Variants in ZFYVE9 observed in about 807,000 individuals in gnomAD.
ZFYVE9 encodes the protein zinc finger FYVE-type containing 9.
In ZFYVE9, 43 loss-of-function variants were observed where a neutral mutation model predicts 126.7. The ratio of observed to expected loss-of-function variants is 0.34; its 90% CI spans 0.27 to 0.44. The LOEUF is 0.44. ZFYVE9 is among the 20% of genes least tolerant of loss of function. The pLI is 1.00. For missense variants in ZFYVE9, 1,476 were observed against 1,697.0 expected (o/e 0.87, Z 2.29); for synonymous variants, 521 against 597.4 (o/e 0.87, Z 1.87).
At chr1:52,307,744 T>G (rs1227180717) in intron 13 of ZFYVE9, among the ~76,000 whole-genome samples, 1 of 151,720 alleles carries the variant, frequency 6.6e-6, no homozygotes, top group Non-Finnish European at 1.5e-5. Flanking sequence ...TGAATTTTCT[T>G]TTTTCTTCTT....
chr1:52,250,937 T>A (rs937692466), intron 4 of ZFYVE9, among the ~76,000 whole-genome samples: 1 of 152,056 alleles, frequency 6.6e-6, no homozygotes, highest in Admixed American at 6.6e-5. Flanking sequence ...GTTCTGAATG[T>A]CTAGGCACAA....
intron 4 of ZFYVE9, among the ~76,000 whole-genome samples, chr1:52,248,365 C>G (rs1044455063): frequency 6.6e-6 from 1 of 152,206 alleles, no homozygotes; most frequent in Non-Finnish European, 1.5e-5. Flanking sequence ...ACTCAGCAAG[C>G]AGGCTTATCT....
intron 4 of ZFYVE9, among the ~76,000 whole-genome samples, chr1:52,252,470 C>T (rs1645458791): frequency 6.6e-6 from 1 of 152,188 alleles, no homozygotes; most frequent in South Asian, 2.1e-4. Flanking sequence ...AGTGTTTCTC[C>T]TGCCTCAGAC....
intron 10 of ZFYVE9, among the ~76,000 whole-genome samples, chr1:52,286,594 G>C (rs1645863376): frequency 6.6e-6 from 1 of 152,102 alleles, no homozygotes. Context: ...GTTTCTCCCT[G>C]TCTCCTATTC....
At chr1:52,197,827 G>C (rs1218436115) in intron 1 of ZFYVE9, among the ~76,000 whole-genome samples, 2 of 152,154 alleles carry the variant, frequency 1.3e-5, no homozygotes, top group Non-Finnish European at 2.9e-5. Context: ...AGGTGGAGAG[G>C]AGGATGCACA....
At chr1:52,248,003 GAGATATAT>G (rs1303321978) in intron 4 of ZFYVE9, among the ~76,000 whole-genome samples, 4 of 152,072 alleles carry the variant, frequency 2.6e-5, no homozygotes, top group Admixed American at 2.0e-4. Flanking sequence ...ATAGGATGTG[GAGATATAT>G]AGATATATAT....
At chr1:52,169,999 G>A (rs1006637165) in intron 1 of ZFYVE9, among the ~76,000 whole-genome samples, 1 of 152,076 alleles carries the variant, frequency 6.6e-6, no homozygotes, top group Non-Finnish European at 1.5e-5. Context: ...CCAAGAATTC[G>A]TTTTGACCTT....
chr1:52,239,417 A>G lies in ZFYVE9; in HGVS notation c.2000A>G (p.Asp667Gly), dbSNP rs758733784. ...AGACCATGCCTTGCATTAGCTCCAG[A>G]TAGCCCAGATAATGATCTCAGAGCT... is the stretch of plus-strand genomic sequence containing the variant. ...STRPCLALAP[D>G]SPDNDLRAGQ... The change falls in exon 4 of 19, where the codon GAT becomes GGT. Residue 667 changes from aspartate to glycine, a missense_variant. Around this residue, in one of 2 missense-constraint regions of ZFYVE9, gnomAD observed 807 missense variants for 794.6 expected, o/e 1.02. Transcript: ENST00000287727. 1.9e-6 allele frequency: 3 copies of G among 1,614,066 alleles called. No individual in the cohort carries two copies. The East Asian group carries it at 6.7e-5, about 36-fold the overall frequency.
intron 7 of ZFYVE9, among the ~76,000 whole-genome samples, chr1:52,273,939 A>G (rs1004266644): frequency 1.3e-5 from 2 of 152,118 alleles, no homozygotes; most frequent in African/African-American, 4.8e-5. Context: ...ATATTAACAT[A>G]TATAACAAAT....
At chr1:52,170,681 A>G (rs1408687419) in intron 1 of ZFYVE9, among the ~76,000 whole-genome samples, 1 of 151,994 alleles carries the variant, frequency 6.6e-6, no homozygotes, top group Non-Finnish European at 1.5e-5. Flanking sequence ...TTGTGTTTCC[A>G]TTATTATTTG....
intron 13 of ZFYVE9, among the ~76,000 whole-genome samples, chr1:52,326,135 G>A (rs1646289276): frequency 1.3e-5 from 2 of 152,164 alleles, no homozygotes; most frequent in African/African-American, 2.4e-5. Flanking sequence ...GAAATGTTAC[G>A]TACTTTGCAC....
intron 2 of ZFYVE9, among the ~76,000 whole-genome samples, chr1:52,225,662 T>G (rs1465235168): frequency 6.6e-6 from 1 of 152,104 alleles, no homozygotes; most frequent in Non-Finnish European, 1.5e-5. Flanking sequence ...AAGAAACAGT[T>G]AGGCTTAACA....
intron 14 of ZFYVE9, 36 bp downstream of exon 14, chr1:52,332,954 A>G (rs1446192258): frequency 1.2e-6 from 2 of 1,613,192 alleles, no homozygotes; most frequent in African/African-American, 2.7e-5. Context: ...ATGATAATGG[A>G]AAATTATACT....
chr1:52,331,745 C>T (rs1170755704), intron 13 of ZFYVE9, among the ~76,000 whole-genome samples: 1 of 147,190 alleles, frequency 6.8e-6, no homozygotes, highest in African/African-American at 2.5e-5. Flanking sequence ...GAGAGAGACC[C>T]TGTCTCAAAA....
At chr1:52,314,264 A>T (rs2147852616) in intron 13 of ZFYVE9, among the ~76,000 whole-genome samples, 2 of 152,374 alleles carry the variant, frequency 1.3e-5, no homozygotes, top group East Asian at 3.8e-4. Flanking sequence ...TTTTGCAAAT[A>T]CAAAAGTGAC....
At chr1:52,320,258 C>T (rs1159132921) in intron 13 of ZFYVE9, among the ~76,000 whole-genome samples, 3 of 151,704 alleles carry the variant, frequency 2.0e-5, no homozygotes, top group Admixed American at 6.6e-5. Flanking sequence ...TTAGTAGAGA[C>T]GGGGTTTCTC....
At chr1:52,226,099 G>T (rs1645168427) in intron 2 of ZFYVE9, among the ~76,000 whole-genome samples, 1 of 152,164 alleles carries the variant, frequency 6.6e-6, no homozygotes, top group African/African-American at 2.4e-5. Context: ...TACATAGCAT[G>T]CAGGGAAGGC....
intron 12 of ZFYVE9, among the ~76,000 whole-genome samples, chr1:52,301,828 G>T (rs552914254): frequency 6.0e-4 from 91 of 152,156 alleles, no homozygotes; most frequent in Non-Finnish European, 1.2e-3. Context: ...ATTGTTTCAC[G>T]TCTTACTAAT....
chr1:52,201,467 C>G (rs940702974), intron 1 of ZFYVE9, among the ~76,000 whole-genome samples: 1 of 151,058 alleles, frequency 6.6e-6, no homozygotes, highest in East Asian at 2.0e-4. Context: ...AGCTCTGCCC[C>G]CTGGGTTCAT....
Sources: allele counts gnomAD v4.1 joint callset (sites outside exome capture counted in the v4.1 genomes callset), GRCh38; gene constraint gnomAD v4.1.1; regional missense constraint gnomAD v4.1.1; transcripts MANE v1.5; gene names NCBI Gene and HGNC (gene_info 2026-07-23, HGNC 2026-07-21).